Variants in DUSP8 observed in about 807,000 individuals in gnomAD.
DUSP8 encodes the protein dual specificity protein phosphatase 8.
DUSP8 carries 15 observed loss-of-function variants against 38.7 expected under a neutral mutation model. The ratio of observed to expected loss-of-function variants is 0.39; its 90% CI spans 0.26 to 0.60. The LOEUF (loss-of-function observed/expected upper bound fraction) is 0.60. Among genes scored for constraint, DUSP8 ranks in the 20% least tolerant of loss-of-function variants. The pLI is 0.56. For missense variants in DUSP8, 768 were observed against 915.0 expected (o/e 0.84, Z 2.07); for synonymous variants, 458 against 433.9 (o/e 1.06, Z -0.69).
Position 1,557,769 on chromosome 11 carries a change from A to C in DUSP8, c.821+25T>G. The C allele has an allele frequency of 6.2e-7, 1 of 1,611,950 alleles. No individual in the cohort carries two copies. Among genetic ancestry groups the C allele is most frequent in the South Asian group, 1.1e-5 (1 of 90,986 alleles). On this transcript the variant is annotated intron_variant, in intron 6 of 6. Transcript: ENST00000397374. The surrounding 1 kb of genome is among the most constrained non-coding windows in gnomAD (Gnocchi z 9.9). ...AAGGGAAGCGACGCTGTGAGCCACA[A>C]GTGCGCGACTGGGGAAGGTGGTACC...
chr11:1,557,756 G>A lies in DUSP8; in HGVS notation c.821+38C>T, dbSNP rs1347322677. On this transcript the variant is annotated intron_variant, in intron 6 of 6. Transcript: ENST00000397374. The surrounding 1 kb of genome is among the most constrained non-coding windows in gnomAD (Gnocchi z 9.9). The stretch of plus-strand genomic sequence containing the variant: ...GGGCAGCCGGGGGAAGGGAAGCGAC[G>A]CTGTGAGCCACAAGTGCGCGACTGG... 3.1e-6 allele frequency: 5 copies of A among 1,611,018 alleles called. No homozygotes were observed. The highest frequency in any genetic ancestry group is 3.3e-5 in the Admixed American group (2 of 59,976).
Position 1,558,952 on chromosome 11 carries a change from G to C in DUSP8, c.474C>G (p.Ser158Arg). The part of the protein sequence containing the change: ...SLSQPCLPVP[S>R]VGLTRILPHL... ...GAGGCAGGATGCGGGTCAGGCCCAC[G>C]CTGGGCACAGGCAGGCAGGGCTGGG... Residue 158 changes from serine (S) to arginine (R), a missense_variant, in exon 4 of 7, where the codon AGC becomes AGG. Ser to Arg is a moderately radical substitution (Grantham distance 110). Around this residue, in one of 3 missense-constraint regions of DUSP8, gnomAD observed 252 missense variants for 410.4 expected, o/e 0.61. Transcript: ENST00000397374. This position sits in a 1 kb window ranked among gnomAD's most constrained non-coding sequence, Gnocchi z 6.3. 5.0e-6 allele frequency: 8 copies of C among 1,612,974 alleles called. No homozygotes were observed. The highest frequency in any genetic ancestry group is 6.8e-6 in the Non-Finnish European group (8 of 1,179,810).
rs554905333 is a variant in DUSP8 at position 1,554,858 on chromosome 11, C to A, written c.*1660G>T. 40 of 807,720 alleles carry A rather than the reference C, an allele frequency of 5.0e-5. No individual in the cohort carries two copies. In the African/African-American group the frequency reaches 7.3e-4, roughly 15 times the overall value. The allele number at this position is 807,720 out of a possible 1,614,324, so 50.0% of individuals were successfully genotyped here. A position where few individuals can be genotyped will look rare whatever the true frequency, so the allele number is the denominator to read the frequency against. On this transcript the variant is annotated 3_prime_UTR_variant, in exon 7 of 7. Transcript: ENST00000397374. ...TCTAATCCATAGATTGCAAATACAACGATAGCTTATTTTCTTGGGGGAACA... is the reference window on the plus strand; with the variant it reads ...TCTAATCCATAGATTGCAAATACAAAGATAGCTTATTTTCTTGGGGGAACA...
At position 1,572,237 on chromosome 11, in the gene DUSP8, G is replaced by A. The variant is rs1848916389; in HGVS notation, c.-445C>T. ...CCGGCGTCCGGCGGGGCGTCGTGGG[G>A]GGAGCCGGCTCGGCCGCCGCGCTCG... is the stretch of plus-strand genomic sequence containing the variant. On this transcript the variant is annotated 5_prime_UTR_variant, in exon 1 of 7. Transcript: ENST00000397374. The surrounding 1 kb of genome is among the most constrained non-coding windows in gnomAD (Gnocchi z 4.7). Among the ~76,000 whole-genome samples, 1 of 147,130 alleles carries A rather than the reference G, an allele frequency of 6.8e-6. No homozygotes were observed.
At chr11:1,569,471 G>A (rs780027959) in intron 1 of DUSP8, among the ~76,000 whole-genome samples, 13 of 152,234 alleles carry the variant, frequency 8.5e-5, no homozygotes, top group African/African-American at 3.1e-4. Context: ...GTACCCACGC[G>A]TGAATATGTG....
intron 1 of DUSP8, among the ~76,000 whole-genome samples, chr11:1,566,622 G>T (rs1015698163): frequency 6.6e-6 from 1 of 152,112 alleles, no homozygotes; most frequent in Admixed American, 6.5e-5. Flanking sequence ...TTTAGTGTGC[G>T]CCACGTGCCT....
At chr11:1,564,047 C>T (rs3740620) in intron 2 of DUSP8, 58 bp from the exon 3 acceptor site, 736,351 of 1,368,558 alleles carry the variant, frequency 0.54, 199,842 homozygotes, top group African/African-American at 0.57. Flanking sequence ...GCCCTGGCCC[C>T]GTCCCAGATA....
intron 1 of DUSP8, among the ~76,000 whole-genome samples, chr11:1,569,793 G>A (rs953215517): frequency 6.6e-6 from 1 of 152,198 alleles, no homozygotes; most frequent in Non-Finnish European, 1.5e-5. Flanking sequence ...ATGGGGGGAT[G>A]GGACTGTGTC....
upstream of DUSP8, among the ~76,000 whole-genome samples, chr11:1,572,537 T>C (rs1848924257): frequency 6.6e-6 from 1 of 150,466 alleles, no homozygotes; most frequent in Non-Finnish European, 1.5e-5. The surrounding 1 kb of genome is among the most constrained non-coding windows in gnomAD (Gnocchi z 4.7). Context: ...GGACCCCGCC[T>C]CCAGGAAGCC....
intron 1 of DUSP8, among the ~76,000 whole-genome samples, chr11:1,568,552 A>ACCGCTG (rs370956424): frequency 6.6e-6 from 1 of 152,158 alleles, no homozygotes; most frequent in African/African-American, 2.4e-5. Context: ...GTGCCAGGCA[A>ACCGCTG]CCGCTGCTCC....
chr11:1,560,008 T>C (rs1442344062), intron 3 of DUSP8, among the ~76,000 whole-genome samples: 2 of 152,174 alleles, frequency 1.3e-5, no homozygotes, highest in African/African-American at 2.4e-5. Context: ...ATGGTGAGAA[T>C]GGACCTGGCC....
chr11:1,564,566 C>T (rs928333670), intron 2 of DUSP8, among the ~76,000 whole-genome samples: 2 of 152,214 alleles, frequency 1.3e-5, no homozygotes, highest in African/African-American at 4.8e-5. Flanking sequence ...CTCCTGCCCT[C>T]CTCCCCCACC....
intron 2 of DUSP8, among the ~76,000 whole-genome samples, 168 bp downstream of exon 2, chr11:1,565,428 C>T (rs562503495): frequency 6.6e-6 from 1 of 152,252 alleles, no homozygotes; most frequent in East Asian, 1.9e-4. Flanking sequence ...CAACAGGCAG[C>T]GGTGAGAGGC....
At chr11:1,567,300 G>A (rs1258308637) in intron 1 of DUSP8, among the ~76,000 whole-genome samples, 3 of 152,240 alleles carry the variant, frequency 2.0e-5, no homozygotes, top group Non-Finnish European at 4.4e-5. Flanking sequence ...AGCCACAGGA[G>A]GCACTGGGGG....
chr11:1,567,241 C>T (rs987762100), intron 1 of DUSP8, among the ~76,000 whole-genome samples: 1 of 152,192 alleles, frequency 6.6e-6, no homozygotes, highest in Non-Finnish European at 1.5e-5. Flanking sequence ...CTGTGCAAAG[C>T]GGGCTACGGT....
chr11:1,561,818 C>A (rs928648461), intron 3 of DUSP8, among the ~76,000 whole-genome samples: 2 of 152,084 alleles, frequency 1.3e-5, no homozygotes, highest in Non-Finnish European at 1.5e-5. Flanking sequence ...CCTGCCCCCC[C>A]CAATATATTC....
At position 1,556,632 on chromosome 11, in the gene DUSP8, G is replaced by A; in HGVS notation, c.1764C>T (p.Cys588=). 2.8e-6 allele frequency: 4 copies of A among 1,426,612 alleles called. No individual in the cohort carries two copies. Among genetic ancestry groups the A allele is most frequent in the East Asian group, 3.0e-5 (1 of 33,218 alleles). The allele number at this position is 1,426,612 out of a possible 1,614,324, so 88.4% of individuals were successfully genotyped here. The change falls in exon 7 of 7, where the codon TGC becomes TGT. Residue 588 remains cysteine, a synonymous_variant. Coordinates refer to ENST00000397374, the MANE Select transcript of DUSP8 (RefSeq NM_004420.3). This position sits in a 1 kb window ranked among gnomAD's most constrained non-coding sequence, Gnocchi z 5.2. The part of the protein sequence containing the change: ...APETQFKRRS[C]QMEFEEGMVE... ...CCATGCCCTCCTCGAACTCCATCTG[G>A]CAGCTGCGGCGCTTGAACTGCGTCT...
chr11:1,565,938 C>T lies in DUSP8; in HGVS notation c.-108-4G>A, dbSNP rs79838852. ...GACCTAGCACATGGTGCTGGACCTG[C>T]AGGGACAGGGGGATGGTCAGCAGTG... On this transcript the variant is annotated splice_polypyrimidine_tract_variant and splice_region_variant and intron_variant, in intron 1 of 6. Coordinates refer to ENST00000397374, the MANE Select transcript of DUSP8 (RefSeq NM_004420.3). 0.068 allele frequency: 61,110 copies of T among 892,254 alleles called. 2,543 individuals are homozygous for T. Among genetic ancestry groups the T allele is most frequent in the Non-Finnish European group, 0.087 (48,900 of 562,328 alleles). The allele number at this position is 892,254 out of a possible 1,614,324, so 55.3% of individuals were successfully genotyped here. A position where few individuals can be genotyped will look rare whatever the true frequency, so the allele number is the denominator to read the frequency against.
At chr11:1,562,299 C>T (rs1355873921) in intron 3 of DUSP8, among the ~76,000 whole-genome samples, 1 of 152,162 alleles carries the variant, frequency 6.6e-6, no homozygotes, top group East Asian at 1.9e-4. Context: ...GGACCTTTCT[C>T]AGCCTCCAAG....
Sources: allele counts gnomAD v4.1 joint callset (sites outside exome capture counted in the v4.1 genomes callset), GRCh38; gene constraint gnomAD v4.1.1; regional missense constraint gnomAD v4.1.1; non-coding constraint Gnocchi (gnomAD v3.1); transcripts MANE v1.5; gene names NCBI Gene and HGNC (gene_info 2026-07-23, HGNC 2026-07-21).